FNIP2: variants seen among roughly 807,000 people sequenced by gnomAD.
The protein encoded by FNIP2 is folliculin interacting protein 2.
FNIP2 carries 32 observed loss-of-function variants against 108.7 expected under a neutral mutation model. The ratio of observed to expected loss-of-function variants is 0.29; its 90% CI spans 0.22 to 0.40. The LOEUF (loss-of-function observed/expected upper bound fraction) is 0.40, where lower values mean the gene tolerates loss of function less well. Ranked by LOEUF, FNIP2 falls within the 10% of genes least tolerant of loss-of-function variation. The pLI is 1.00. For missense variants in FNIP2, 1,202 were observed against 1,381.6 expected (o/e 0.87, Z 2.06); for synonymous variants, 480 against 496.7 (o/e 0.97, Z 0.45).
At chr4:158,895,281 A>G (rs747877702) in intron 15 of FNIP2, among the ~76,000 whole-genome samples, 2 of 152,210 alleles carry the variant, frequency 1.3e-5, no homozygotes, top group Non-Finnish European at 2.9e-5. Context: ...GGCCAGAATA[A>G]TCTGAGCTAT....
chr4:158,830,794 C>T (rs562770619), intron 3 of FNIP2, among the ~76,000 whole-genome samples: 1 of 152,288 alleles, frequency 6.6e-6, no homozygotes, highest in Non-Finnish European at 1.5e-5. Flanking sequence ...TTTGGTGGCA[C>T]ACTGGTTTGC....
intron 1 of FNIP2, among the ~76,000 whole-genome samples, chr4:158,797,775 G>C (rs1776634991): frequency 1.3e-5 from 2 of 152,272 alleles, no homozygotes; most frequent in South Asian, 4.1e-4. Flanking sequence ...AATTTGGGAT[G>C]GAAGCTGCCA....
chr4:158,778,591 G>T (rs1775932522), intron 1 of FNIP2, among the ~76,000 whole-genome samples: 1 of 151,738 alleles, frequency 6.6e-6, no homozygotes, highest in Non-Finnish European at 1.5e-5. Flanking sequence ...GCATAACTAT[G>T]ATTATAGTAT....
chr4:158,896,992 C>G (rs1479829543), intron 16 of FNIP2, among the ~76,000 whole-genome samples: 1 of 151,992 alleles, frequency 6.6e-6, no homozygotes, highest in Non-Finnish European at 1.5e-5. Flanking sequence ...CTATCCCACC[C>G]CCAGCCCCCC....
intron 1 of FNIP2, 93 bp from the exon 2 acceptor site, chr4:158,825,823 G>T: frequency 6.8e-7 from 1 of 1,460,608 alleles, no homozygotes; most frequent in Non-Finnish European, 9.4e-7. Context: ...CTTTTGATGT[G>T]CACACAGGCA....
In FNIP2 at chr4:158,867,602, G is replaced by A. The variant is rs558781282; in HGVS notation, c.1466-500G>A. 1.8e-4 allele frequency among the ~76,000 whole-genome samples: 27 copies of A among 152,346 alleles called. 1 individual carries two copies. The highest frequency in any genetic ancestry group is 6.5e-4 in the African/African-American group (27 of 41,590). On this transcript the variant is annotated intron_variant, in intron 12 of 16. Coordinates refer to ENST00000264433, the MANE Select transcript of FNIP2 (RefSeq NM_020840.3). ...TACTTGGTGTGTGTATGCGTATTAA[G>A]ATAATTCTGTGTAGACCACCTCATT...
At chr4:158,898,421 C>T (rs899929740) in intron 16 of FNIP2, among the ~76,000 whole-genome samples, 2 of 152,086 alleles carry the variant, frequency 1.3e-5, no homozygotes, top group Non-Finnish European at 2.9e-5. Context: ...CTATAAATTA[C>T]TTTGGGGAGT....
intron 1 of FNIP2, among the ~76,000 whole-genome samples, chr4:158,806,609 G>A (rs908234498): frequency 6.6e-6 from 1 of 152,128 alleles, no homozygotes; most frequent in African/African-American, 2.4e-5. Flanking sequence ...ATGTAAGCAT[G>A]GGTATTTTTT....
At chr4:158,838,689 G>A (rs1178645526) in intron 7 of FNIP2, among the ~76,000 whole-genome samples, 1 of 152,086 alleles carries the variant, frequency 6.6e-6, no homozygotes, top group Non-Finnish European at 1.5e-5. Context: ...TCTTATATTA[G>A]TATGGTATAT....
rs144162918 is a variant in FNIP2 at position 158,869,578 on chromosome 4, T to C, written c.2792+150T>C. On this transcript the variant is annotated intron_variant, in intron 13 of 16. Coordinates refer to ENST00000264433, the MANE Select transcript of FNIP2 (RefSeq NM_020840.3). ...AGTACTAGAAGTATTATTAATTCTA[T>C]ACAAACGGTTTCCCACCTGTCCTTC... 145 of 1,186,698 alleles carry C rather than the reference T, an allele frequency of 1.2e-4. No individual in the cohort carries two copies. In the African/African-American group the frequency reaches 1.9e-3, roughly 16 times the overall value. The allele number at this position is 1,186,698 out of a possible 1,614,324, so 73.5% of individuals were successfully genotyped here.
chr4:158,782,723 G>A (rs984141192), intron 1 of FNIP2, among the ~76,000 whole-genome samples: 12 of 152,106 alleles, frequency 7.9e-5, no homozygotes, highest in African/African-American at 2.9e-4. Context: ...AAAGGGAGAG[G>A]GTTGGAAAAA....
intron 16 of FNIP2, among the ~76,000 whole-genome samples, chr4:158,900,648 G>T (rs1729140654): frequency 6.6e-6 from 1 of 152,080 alleles, no homozygotes; most frequent in Non-Finnish European, 1.5e-5. Flanking sequence ...TCAGGACTAG[G>T]ACTACAACCC....
intron 16 of FNIP2, 100 bp from the exon 17 acceptor site, chr4:158,904,366 T>C (rs1160828676): frequency 9.5e-7 from 1 of 1,056,028 alleles, no homozygotes; most frequent in African/African-American, 1.6e-5. Context: ...TCTATCAAAC[T>C]TAGTACCTAG....
chr4:158,860,650 C>T (rs888030960), intron 10 of FNIP2, among the ~76,000 whole-genome samples: 1 of 148,042 alleles, frequency 6.8e-6, no homozygotes, highest in African/African-American at 2.5e-5. Context: ...GAATCTGGGT[C>T]CCACTTTTTT....
intron 7 of FNIP2, among the ~76,000 whole-genome samples, chr4:158,838,712 A>G (rs537540447): frequency 1.3e-5 from 2 of 152,344 alleles, no homozygotes; most frequent in East Asian, 1.9e-4. Flanking sequence ...GTTACAATTA[A>G]TGAACCAATG....
intron 16 of FNIP2, 125 bp from the exon 17 acceptor site, chr4:158,904,324 TGTTTTGCTTTTTCATTA>T: frequency 1.5e-6 from 1 of 673,412 alleles, no homozygotes; most frequent in Non-Finnish European, 2.5e-6. Context: ...TCCTTCCATC[TGTTTTGCTTTTTCATTA>T]GTTTTAAATG....
At chr4:158,872,467 T>G in intron 14 of FNIP2, 1 of 985,484 alleles carries the variant, frequency 1.0e-6, no homozygotes, top group Non-Finnish European at 1.2e-6. Flanking sequence ...TTCTCATTTC[T>G]TTATGCAATC....
intron 14 of FNIP2, chr4:158,890,029 G>T (rs545780204): frequency 4.1e-6 from 4 of 985,058 alleles, no homozygotes; most frequent in African/African-American, 1.8e-5. Flanking sequence ...ATGGTGATGG[G>T]GTCATTATGT....
intron 14 of FNIP2, among the ~76,000 whole-genome samples, chr4:158,871,070 A>G (rs1203116581): frequency 2.0e-5 from 3 of 152,256 alleles, no homozygotes; most frequent in African/African-American, 7.2e-5. Context: ...TGCTTAAACA[A>G]GTTCCTAAAA....
Sources: gnomAD v4.1 joint callset for allele counts (sites outside exome capture counted in the v4.1 genomes callset) on GRCh38, gnomAD v4.1.1 for gene constraint, MANE v1.5 for transcripts, NCBI Gene and HGNC (gene_info 2026-07-23, HGNC 2026-07-21) for gene names.